Variants in HHIPL1 observed in about 807,000 individuals in gnomAD.
HHIPL1 encodes HHIP-like protein 1.
In HHIPL1, 43 loss-of-function variants were observed where a neutral mutation model predicts 61.8. That is an observed-to-expected ratio of 0.70 (90% confidence interval 0.55 to 0.90). The LOEUF (loss-of-function observed/expected upper bound fraction) is 0.90. Among genes scored for constraint, HHIPL1 ranks in the 40% least tolerant of loss-of-function variants. HHIPL1 has a pLI of 0.00. For synonymous variants in HHIPL1, 482 were observed against 515.8 expected, an observed-to-expected ratio of 0.93 and a Z score of 0.89; for missense variants, 1,056 against 1,157.7, an observed-to-expected ratio of 0.91 and a Z score of 1.28.
At chr14:99,648,738 A>G (rs542945498) in intron 1 of HHIPL1, among the ~76,000 whole-genome samples, 1 of 152,276 alleles carries the variant, frequency 6.6e-6, no homozygotes, top group Admixed American at 6.5e-5. Flanking sequence ...ACAAGAGGAG[A>G]CCTTTGAGTA....
At chr14:99,640,810 T>A (rs562708615), upstream of HHIPL1, among the ~76,000 whole-genome samples, 45 of 150,022 alleles carry the variant, frequency 3.0e-4, no homozygotes, top group Non-Finnish European at 5.8e-4. Flanking sequence ...GCTATAACCA[T>A]CCAGTACGTT....
At chr14:99,672,579 C>G (rs2056337492) in intron 8 of HHIPL1, among the ~76,000 whole-genome samples, 180 bp downstream of exon 8, 1 of 152,238 alleles carries the variant, frequency 6.6e-6, no homozygotes. Context: ...GGGACTTTAA[C>G]TAAACTGGGT....
At chr14:99,654,188 CAAA>C (rs754501639) in intron 2 of HHIPL1, among the ~76,000 whole-genome samples, 2 of 90,000 alleles carry the variant, frequency 2.2e-5, no homozygotes, top group Non-Finnish European at 2.0e-5. Context: ...GACTCTGTCT[CAAA>C]AAAAAAAAAA....
chr14:99,605,343 G>T, the HHIPL1 span, among the ~76,000 whole-genome samples: 1 of 130,558 alleles, frequency 7.7e-6, no homozygotes, highest in Admixed American at 9.1e-5. Context: ...TCCCCAAAGC[G>T]CATTTACGGC....
chr14:99,610,143 A>G, the HHIPL1 span, among the ~76,000 whole-genome samples: 1 of 152,144 alleles, frequency 6.6e-6, no homozygotes, highest in Non-Finnish European at 1.5e-5. Context: ...ATCTCCTCAC[A>G]CCATCGCCTG....
chr14:99,670,746 A>G (rs1379228953), intron 7 of HHIPL1, among the ~76,000 whole-genome samples: 1 of 152,044 alleles, frequency 6.6e-6, no homozygotes, highest in African/African-American at 2.4e-5. Flanking sequence ...TCCTTCATTT[A>G]TGCCCATTTT....
rs544154355 is a variant in HHIPL1 at position 99,675,417 on chromosome 14, C to A, written c.2140C>A (p.Arg714Ser). 2 of 1,531,362 alleles carry A rather than the reference C, an allele frequency of 1.3e-6. No homozygotes were observed. Among genetic ancestry groups the A allele is most frequent in the Non-Finnish European group, 1.8e-6 (2 of 1,142,592 alleles). 94.9% of individuals were successfully genotyped at this position (1,531,362 alleles called of 1,614,324 possible). Residue 714 changes from arginine to serine, a missense_variant, in exon 9 of 9, where the codon CGC becomes AGC. Coordinates refer to ENST00000330710, the MANE Select transcript of HHIPL1 (RefSeq NM_001127258.3). The surrounding 1 kb of genome is among the most constrained non-coding windows in gnomAD (Gnocchi z 5.4). ...WNISGAAVVC[R>S]QLGFAYAVRA... ...CATCAGCGGCGCCGCCGTCGTGTGT[C>A]GCCAGCTGGGGTTTGCCTACGCCGT... is the stretch of plus-strand genomic sequence containing the variant.
chr14:99,675,365 G>A lies in HHIPL1; in HGVS notation c.2088G>A (p.Trp696Ter). 1 of 1,506,030 alleles carries A rather than the reference G, an allele frequency of 6.6e-7. No individual in the cohort carries two copies. Among genetic ancestry groups the A allele is most frequent in the South Asian group, 1.2e-5 (1 of 80,104 alleles). The allele number at this position is 1,506,030 out of a possible 1,614,324, so 93.3% of individuals were successfully genotyped here. Residue 696 changes from tryptophan to a stop codon, truncating the protein, a stop_gained, in exon 9 of 9, where the codon TGG becomes TGA. Transcript: ENST00000330710. LOFTEE classifies it low-confidence loss of function (END_TRUNC). The surrounding 1 kb of genome is among the most constrained non-coding windows in gnomAD (Gnocchi z 5.4). ...GRVEVFVGGR[W>*]GTVCDDSWNI... ...TGGAGGTGTTCGTGGGCGGACGCTG[G>A]GGCACCGTGTGCGACGACTCCTGGA...
chr14:99,654,659 C>A (rs1488433272), intron 2 of HHIPL1, among the ~76,000 whole-genome samples: 1 of 152,128 alleles, frequency 6.6e-6, no homozygotes, highest in Non-Finnish European at 1.5e-5. Flanking sequence ...AATCTTGACA[C>A]CGAATGTATA....
chr14:99,608,816 C>T, the HHIPL1 span, among the ~76,000 whole-genome samples: 1 of 152,198 alleles, frequency 6.6e-6, no homozygotes, highest in African/African-American at 2.4e-5. Context: ...GAGTAAGAAA[C>T]TGAGGCTCAC....
chr14:99,618,996 C>G, the HHIPL1 span, among the ~76,000 whole-genome samples: 1 of 152,160 alleles, frequency 6.6e-6, no homozygotes, highest in East Asian at 1.9e-4. Context: ...CTCAAAGCAG[C>G]CTGTGTAGCC....
chr14:99,675,553 G>A lies in HHIPL1; in HGVS notation c.2276G>A (p.Gly759Asp), dbSNP rs2056381427. 2 of 1,539,414 alleles carry A rather than the reference G, an allele frequency of 1.3e-6. No homozygotes were observed. The highest frequency in any genetic ancestry group is 1.7e-6 in the Non-Finnish European group (2 of 1,145,984). Reference sequence around the variant, plus strand: ...AACCTGCTGGAGTGCCAGCACAACGGCGTGGGCACCCACAACTGCGAGCAC... The same window carrying A: ...AACCTGCTGGAGTGCCAGCACAACGACGTGGGCACCCACAACTGCGAGCAC... ...ERNLLECQHNGVGTHNCEHDE... is the reference protein window; with the variant it reads ...ERNLLECQHNDVGTHNCEHDE... Residue 759 changes from glycine (G) to aspartate (D), a missense_variant, in exon 9 of 9, where the codon GGC (glycine) becomes GAC (aspartate). By Grantham distance (94) the Gly-to-Asp change is moderately conservative. Coordinates refer to ENST00000330710, the MANE Select transcript of HHIPL1 (RefSeq NM_001127258.3). The surrounding 1 kb of genome is among the most constrained non-coding windows in gnomAD (Gnocchi z 5.4).
chr14:99,608,752 T>C, the HHIPL1 span, among the ~76,000 whole-genome samples: 1 of 152,216 alleles, frequency 6.6e-6, no homozygotes. Context: ...TCCACATAGA[T>C]TGTCTCACTG....
At chr14:99,619,734 T>G in the HHIPL1 span, among the ~76,000 whole-genome samples, 1 of 139,514 alleles carries the variant, frequency 7.2e-6, no homozygotes, top group Non-Finnish European at 1.6e-5. Context: ...TCCTCCCCAT[T>G]TGCCCTATGT....
At chr14:99,619,788 C>G in the HHIPL1 span, among the ~76,000 whole-genome samples, 1 of 148,696 alleles carries the variant, frequency 6.7e-6, no homozygotes, top group African/African-American at 2.5e-5. Context: ...CGTGGCTGTT[C>G]CCGCTGCTGA....
chr14:99,651,266 C>T (rs780048348), intron 1 of HHIPL1, among the ~76,000 whole-genome samples: 4 of 147,622 alleles, frequency 2.7e-5, no homozygotes, highest in African/African-American at 7.5e-5. Context: ...AAAAAACTAA[C>T]GGACAAACAC....
Position 99,645,366 on chromosome 14 carries a change from C to T in HHIPL1, c.159C>T (p.Asp53=), listed in dbSNP as rs1273177301. ...SDFGCCDEGR[D]AELTRRFWAL... is the part of the protein sequence containing the mutation. Reference sequence around the variant, plus strand: ...TCGGCTGCTGCGATGAGGGGCGCGACGCCGAGCTGACCCGCCGCTTCTGGG... The same window carrying T: ...TCGGCTGCTGCGATGAGGGGCGCGATGCCGAGCTGACCCGCCGCTTCTGGG... The change falls in exon 1 of 9, where the codon GAC becomes GAT. Residue 53 remains aspartate (D), a synonymous_variant. Transcript: ENST00000330710. 2 of 1,444,072 alleles carry T rather than the reference C, an allele frequency of 1.4e-6. No homozygotes were observed. Among genetic ancestry groups the T allele is most frequent in the Non-Finnish European group, 1.8e-6 (2 of 1,102,348 alleles). The allele number at this position is 1,444,072 out of a possible 1,614,324, so 89.5% of individuals were successfully genotyped here.
the HHIPL1 span, among the ~76,000 whole-genome samples, chr14:99,621,242 G>A: frequency 1.3e-5 from 2 of 152,148 alleles, no homozygotes; most frequent in African/African-American, 4.8e-5. Flanking sequence ...GGGGCTACAG[G>A]CAGGTACCAC....
chr14:99,643,500 G>A (rs1228503174), upstream of HHIPL1, among the ~76,000 whole-genome samples: 2 of 152,202 alleles, frequency 1.3e-5, no homozygotes, highest in South Asian at 2.1e-4. Flanking sequence ...TTCTGTGGCT[G>A]TAGGAGCCCA....
Sources: allele counts gnomAD v4.1 joint callset (sites outside exome capture counted in the v4.1 genomes callset), GRCh38; gene constraint gnomAD v4.1.1; non-coding constraint Gnocchi (gnomAD v3.1); transcripts MANE v1.5; gene names NCBI Gene and HGNC (gene_info 2026-07-23, HGNC 2026-07-21).